The following ADGB variants were observed in gnomAD, a reference collection of about 807,000 sequenced individuals.
ADGB encodes androglobin.
A neutral mutation model predicts 210.5 loss-of-function variants in ADGB; 172 were observed. That is an observed-to-expected ratio of 0.82 (90% confidence interval 0.72 to 0.93). The LOEUF (loss-of-function observed/expected upper bound fraction) is 0.93, where lower values mean the gene tolerates loss of function less well. Ranked by LOEUF, ADGB falls within the 40% of genes least tolerant of loss-of-function variation. The pLI is 0.00. For missense variants in ADGB, 2,025 were observed against 1,964.8 expected, an observed-to-expected ratio of 1.03 and a Z score of -0.58; for synonymous variants, 658 against 662.7, an observed-to-expected ratio of 0.99 and a Z score of 0.11.
At position 146,733,904 on chromosome 6, in the gene ADGB, G is replaced by C. The variant is rs374110226; in HGVS notation, c.2668G>C (p.Asp890His). The C allele has an allele frequency of 1.0e-5, 16 of 1,551,454 alleles. No individual in the cohort carries two copies. The highest frequency in any genetic ancestry group is 1.7e-4 in the Middle Eastern group (1 of 6,014). ...LEEVSLVEWLDVKYCMPTSDK... is the reference protein window; with the variant it reads ...LEEVSLVEWLHVKYCMPTSDK... ...TTTTCCCTTTCCAGTGGAATGGCTGGACGTTAAATATTGTATGCCCACAAG... is the reference window on the plus strand; with the variant it reads ...TTTTCCCTTTCCAGTGGAATGGCTGCACGTTAAATATTGTATGCCCACAAG... The change falls in exon 22 of 36, where the codon GAC (aspartate) becomes CAC (histidine). Residue 890 changes from aspartate to histidine, a missense_variant. By Grantham distance (81) the Asp-to-His change is moderately conservative. Transcript: ENST00000397944.
chr6:146,795,518 AG>A (rs1267904304), intron 33 of ADGB, among the ~76,000 whole-genome samples: 1 of 152,332 alleles, frequency 6.6e-6, no homozygotes, highest in African/African-American at 2.4e-5. Context: ...TTTCTAAAGA[AG>A]ACATACATGC....
intron 9 of ADGB, among the ~76,000 whole-genome samples, chr6:146,677,148 C>T (rs899753241): frequency 2.6e-5 from 4 of 152,110 alleles, no homozygotes; most frequent in Non-Finnish European, 5.9e-5. Flanking sequence ...CCAGCTAAAA[C>T]AGTCTAGGTA....
chr6:146,620,445 T>G (rs750337304), intron 1 of ADGB, among the ~76,000 whole-genome samples: 13 of 152,148 alleles, frequency 8.5e-5, no homozygotes, highest in Non-Finnish European at 1.9e-4. Flanking sequence ...TGTCCCATAA[T>G]TCTTGTAGGT....
intron 27 of ADGB, among the ~76,000 whole-genome samples, chr6:146,757,055 C>T (rs1777417612): frequency 6.6e-6 from 1 of 151,890 alleles, no homozygotes; most frequent in Admixed American, 6.6e-5. Context: ...ATGATTTACC[C>T]ATAATTCATC....
At chr6:146,812,603 T>C (rs976673308) in intron 35 of ADGB, among the ~76,000 whole-genome samples, 1 of 152,220 alleles carries the variant, frequency 6.6e-6, no homozygotes. Context: ...GAATCAACCA[T>C]GCAGACATCT....
chr6:146,736,706 A>G (rs1278001807), intron 23 of ADGB, 115 bp downstream of exon 23: 3 of 556,518 alleles, frequency 5.4e-6, no homozygotes, highest in Non-Finnish European at 6.2e-6. Context: ...GAACCACACC[A>G]TTACTTCGGA....
intron 13 of ADGB, among the ~76,000 whole-genome samples, chr6:146,705,314 G>T (rs1776553409): frequency 6.6e-6 from 1 of 152,048 alleles, no homozygotes; most frequent in African/African-American, 2.4e-5. Context: ...GACTTTAGGT[G>T]ATATGTTGAA....
chr6:146,751,943 TCTCTAATAA>T (rs1777329020), intron 26 of ADGB, among the ~76,000 whole-genome samples: 1 of 152,282 alleles, frequency 6.6e-6, no homozygotes, highest in Non-Finnish European at 1.5e-5. Context: ...TTTGCCAAAG[TCTCTAATAA>T]CTCCAGTATT....
At position 146,781,893 on chromosome 6, in the gene ADGB, T is replaced by G. The variant is rs570696326; in HGVS notation, c.3863-127T>G. The G allele has an allele frequency of 1.9e-4, 123 of 638,594 alleles. No individual in the cohort carries two copies. The East Asian group carries it at 3.9e-3, about 20-fold the overall frequency. The allele number at this position is 638,594 out of a possible 1,614,324, so 39.6% of individuals were successfully genotyped here. On this transcript the variant is annotated intron_variant, in intron 29 of 35. Coordinates refer to ENST00000397944, the MANE Select transcript of ADGB (RefSeq NM_024694.4). Reference sequence around the variant, plus strand: ...AGTCCAACAGGCCTTTATAAAAATCTGTGTGATTGAAAAAATACAAATCTA... The same window carrying G: ...AGTCCAACAGGCCTTTATAAAAATCGGTGTGATTGAAAAAATACAAATCTA...
intron 5 of ADGB, among the ~76,000 whole-genome samples, chr6:146,657,199 G>A (rs1316436840): frequency 6.6e-6 from 1 of 151,984 alleles, no homozygotes; most frequent in African/African-American, 2.4e-5. Context: ...GGTGGTGGGT[G>A]CCTGTAATCC....
chr6:146,815,184 C>T lies in ADGB; in HGVS notation c.4971C>T (p.Asp1657=), dbSNP rs1396441703. ...LETEKMTPAP[D]TQKKKKGKKK ...CAGAAAAGATGACCCCAGCTCCTGACACACAGAAAAAAAAGAAAGGAAAGA... is the reference window on the plus strand; with the variant it reads ...CAGAAAAGATGACCCCAGCTCCTGATACACAGAAAAAAAAGAAAGGAAAGA... Residue 1657 remains aspartate, a synonymous_variant, in exon 36 of 36, where the codon GAC becomes GAT. Coordinates refer to ENST00000397944, the MANE Select transcript of ADGB (RefSeq NM_024694.4). 1.3e-6 allele frequency: 2 copies of T among 1,508,536 alleles called. No homozygotes were observed. Among genetic ancestry groups the T allele is most frequent in the African/African-American group, 2.9e-5 (2 of 69,752 alleles). 93.4% of individuals were successfully genotyped at this position (1,508,536 alleles called of 1,614,324 possible). A position where few individuals can be genotyped will look rare whatever the true frequency, so the allele number is the denominator to read the frequency against.
At chr6:146,627,573 G>A (rs1462075355) in intron 1 of ADGB, among the ~76,000 whole-genome samples, 1 of 152,058 alleles carries the variant, frequency 6.6e-6, no homozygotes, top group African/African-American at 2.4e-5. Flanking sequence ...ACTTTTCCCA[G>A]TATCCTATGG....
intron 12 of ADGB, 67 bp from the exon 13 acceptor site, chr6:146,700,874 T>C: frequency 2.0e-6 from 3 of 1,489,928 alleles, no homozygotes; most frequent in Non-Finnish European, 2.7e-6. Context: ...AAAAATGCAG[T>C]TATTTATTAA....
intron 1 of ADGB, among the ~76,000 whole-genome samples, chr6:146,620,877 T>C (rs1780880873): frequency 6.6e-6 from 1 of 152,134 alleles, no homozygotes; most frequent in Admixed American, 6.6e-5. Context: ...CTTATGTTGA[T>C]TCCTGAGCAT....
intron 5 of ADGB, among the ~76,000 whole-genome samples, chr6:146,662,029 T>C (rs1380293482): frequency 6.6e-6 from 1 of 152,118 alleles, no homozygotes; most frequent in Admixed American, 6.6e-5. Context: ...CTCTAACAGG[T>C]CTTTTCTTGC....
intron 35 of ADGB, among the ~76,000 whole-genome samples, chr6:146,812,812 A>G (rs1478346294): frequency 6.6e-6 from 1 of 152,212 alleles, no homozygotes; most frequent in African/African-American, 2.4e-5. Context: ...CCAGGCCAGC[A>G]AAGAACTTAA....
intron 27 of ADGB, among the ~76,000 whole-genome samples, chr6:146,760,295 A>T (rs1186394540): frequency 6.6e-6 from 1 of 151,854 alleles, no homozygotes; most frequent in Admixed American, 6.6e-5. Flanking sequence ...CACTGTTCAC[A>T]TTTCCATCAC....
At chr6:146,736,122 T>C (rs1160444305) in intron 22 of ADGB, among the ~76,000 whole-genome samples, 1 of 152,228 alleles carries the variant, frequency 6.6e-6, no homozygotes, top group Non-Finnish European at 1.5e-5. Context: ...TCTAATAAAA[T>C]CCTATTAGCC....
At chr6:146,765,509 A>G (rs1777559521) in intron 28 of ADGB, among the ~76,000 whole-genome samples, 2 of 151,876 alleles carry the variant, frequency 1.3e-5, no homozygotes, top group Admixed American at 6.6e-5. Context: ...TATCCCTATC[A>G]TATAGTATGT....
Sources: gnomAD v4.1 joint callset for allele counts (sites outside exome capture counted in the v4.1 genomes callset) on GRCh38, gnomAD v4.1.1 for gene constraint, MANE v1.5 for transcripts, NCBI Gene and HGNC (gene_info 2026-07-23, HGNC 2026-07-21) for gene names.